PRKG2: variants seen among roughly 807,000 people sequenced by gnomAD.
PRKG2 encodes protein kinase cGMP-dependent 2.
Under a neutral mutation model 97.2 loss-of-function variants are expected in PRKG2, and 33 were observed. The ratio of observed to expected loss-of-function variants is 0.34; its 90% confidence interval spans 0.26 to 0.45. The LOEUF (loss-of-function observed/expected upper bound fraction) is 0.45, where lower values mean the gene tolerates loss of function less well. Ranked by LOEUF, PRKG2 falls within the 20% of genes least tolerant of loss-of-function variation. PRKG2 has a pLI of 1.00. For missense variants in PRKG2, 638 were observed against 900.0 expected, an observed-to-expected ratio of 0.71 and a Z score of 3.73; for synonymous variants, 330 against 321.8, an observed-to-expected ratio of 1.03 and a Z score of -0.27.
chr4:81,150,321 T>C (rs1017033872), intron 8 of PRKG2, among the ~76,000 whole-genome samples: 1 of 152,202 alleles, frequency 6.6e-6, no homozygotes, highest in Non-Finnish European at 1.5e-5. Context: ...CTTATGTTTC[T>C]TCCATAGTAA....
intron 2 of PRKG2, among the ~76,000 whole-genome samples, chr4:81,201,813 C>T (rs547345075): frequency 5.3e-5 from 8 of 152,264 alleles, no homozygotes; most frequent in African/African-American, 1.9e-4. Flanking sequence ...TTCTTGCTCA[C>T]TGTTAAGTGT....
chr4:81,140,731 A>C, intron 11 of PRKG2, 62 bp from the exon 12 acceptor site: 1 of 1,419,588 alleles, frequency 7.0e-7, no homozygotes, highest in Non-Finnish European at 9.8e-7. Context: ...CACACTAATC[A>C]ATGAGAGTTA....
rs188219032 is a variant in PRKG2, at chr4:81,131,252, C to T, written c.1776+3903G>A. On this transcript the variant is annotated intron_variant, in intron 14 of 18. Coordinates refer to ENST00000264399, the MANE Select transcript of PRKG2 (RefSeq NM_006259.3). ...TGGCTAGGGGAGGGAGTTCCCCAAC[C>T]CCTTGTGGTTCCCAGGTGAGGTGAC... 4.6e-5 allele frequency among the ~76,000 whole-genome samples: 7 copies of T among 150,592 alleles called. 1 individual carries two copies. The highest frequency in any genetic ancestry group is 1.5e-4 in the African/African-American group (6 of 39,964).
rs1256525900 is a variant in PRKG2, at chr4:81,148,940, C to T, written c.1098G>A (p.Arg366=). Residue 366 remains arginine (R), a synonymous_variant, in exon 9 of 19, where the codon AGG becomes AGA. Coordinates refer to ENST00000264399, the MANE Select transcript of PRKG2 (RefSeq NM_006259.3). ...TTTCTTCAGCAATAATGTTAGCTGACCTGACATCATCACTGCAAACAAAAA... is the reference window on the plus strand; with the variant it reads ...TTTCTTCAGCAATAATGTTAGCTGATCTGACATCATCACTGCAAACAAAAA... ...GEKALISDDV[R]SANIIAEEND... The T allele has an allele frequency of 2.5e-6, 4 of 1,613,652 alleles. No individual in the cohort carries two copies. The highest frequency in any genetic ancestry group is 1.3e-5 in the African/African-American group (1 of 74,998).
At chr4:81,139,896 G>A (rs1747102504) in intron 12 of PRKG2, among the ~76,000 whole-genome samples, 1 of 152,050 alleles carries the variant, frequency 6.6e-6, no homozygotes, top group African/African-American at 2.4e-5. Flanking sequence ...CCAGAGTGGG[G>A]CCTCCTCCAC....
intron 17 of PRKG2, among the ~76,000 whole-genome samples, chr4:81,092,972 G>A (rs369734831): frequency 3.6e-4 from 55 of 152,242 alleles, no homozygotes; most frequent in African/African-American, 1.2e-3. Context: ...AAGACTGGTC[G>A]TTTATAGCAT....
intron 17 of PRKG2, among the ~76,000 whole-genome samples, chr4:81,098,188 A>C (rs1363758412): frequency 1.3e-5 from 2 of 152,162 alleles, no homozygotes; most frequent in Admixed American, 1.3e-4. Context: ...CTAGCCTCCC[A>C]GTCTACATCT....
intron 2 of PRKG2, chr4:81,193,426 AC>A (rs1256352012): frequency 6.6e-6 from 1 of 152,170 alleles, no homozygotes; most frequent in African/African-American, 2.4e-5. Flanking sequence ...AAATTAGTTA[AC>A]AAAATAAAGC....
At chr4:81,157,600 T>A (rs1423659667) in intron 6 of PRKG2, among the ~76,000 whole-genome samples, 1 of 152,188 alleles carries the variant, frequency 6.6e-6, no homozygotes, top group Admixed American at 6.5e-5. Context: ...ATCATCCTGA[T>A]ACCAAAGCCG....
chr4:81,153,799 GCTCC>G (rs1748667268), intron 6 of PRKG2, 78 bp from the exon 7 acceptor site: 1 of 1,007,054 alleles, frequency 9.9e-7, no homozygotes, highest in African/African-American at 1.6e-5. Context: ...CCAGTATACA[GCTCC>G]CAGCGTGAGC....
intron 9 of PRKG2, among the ~76,000 whole-genome samples, chr4:81,145,354 A>T (rs113104538): frequency 1.1e-4 from 17 of 152,278 alleles, no homozygotes; most frequent in African/African-American, 3.8e-4. Context: ...GATTCTTTTA[A>T]CTTTGCTTAA....
At chr4:81,174,390 T>C (rs1465155433) in intron 3 of PRKG2, among the ~76,000 whole-genome samples, 2 of 152,026 alleles carry the variant, frequency 1.3e-5, no homozygotes, top group African/African-American at 4.8e-5. Context: ...CATGGTATTG[T>C]GATTAGAAGT....
rs564836724 is a variant in PRKG2 at position 81,088,793 on chromosome 4, G to T, written c.*915C>A. On this transcript the variant is annotated 3_prime_UTR_variant, in exon 19 of 19. Transcript: ENST00000264399. ...TGGTTTATTAATAGCAACTATCACAGAATTTTTCAAAATACCTCAGATTTT... is the reference window on the plus strand; with the variant it reads ...TGGTTTATTAATAGCAACTATCACATAATTTTTCAAAATACCTCAGATTTT... 1 of 152,236 alleles carries T rather than the reference G, an allele frequency of 6.6e-6. No homozygotes were observed. Among genetic ancestry groups the T allele is most frequent in the South Asian group, 2.1e-4 (1 of 4,820 alleles). The allele number at this position is 152,236 out of a possible 1,614,324, so 9.4% of individuals were successfully genotyped here.
At chr4:81,095,669 T>C (rs888766425) in intron 17 of PRKG2, among the ~76,000 whole-genome samples, 1 of 152,224 alleles carries the variant, frequency 6.6e-6, no homozygotes, top group Non-Finnish European at 1.5e-5. Flanking sequence ...AGCGCCAGCA[T>C]GCAGTGGTGT....
At chr4:81,174,648 A>T in intron 3 of PRKG2, 145 bp downstream of exon 3, 1 of 744,494 alleles carries the variant, frequency 1.3e-6, no homozygotes, top group Non-Finnish European at 2.2e-6. Flanking sequence ...CATCATGATT[A>T]GATCAACAAT....
At chr4:81,188,968 A>G (rs1487075585) in intron 2 of PRKG2, among the ~76,000 whole-genome samples, 1 of 91,744 alleles carries the variant, frequency 1.1e-5, no homozygotes, top group Non-Finnish European at 1.8e-5. Flanking sequence ...GCACATGTAT[A>G]CATATGTAAC....
chr4:81,206,060 G>A (rs1753629500), intron 1 of PRKG2, among the ~76,000 whole-genome samples: 1 of 152,086 alleles, frequency 6.6e-6, no homozygotes, highest in African/African-American at 2.4e-5. Context: ...TAGGTATTCA[G>A]GTTTACTGAG....
chr4:81,123,507 C>T (rs1308658488), intron 14 of PRKG2, among the ~76,000 whole-genome samples: 2 of 152,178 alleles, frequency 1.3e-5, no homozygotes, highest in South Asian at 2.1e-4. Context: ...CAGGTTCACG[C>T]CATTCTCCTG....
intron 2 of PRKG2, among the ~76,000 whole-genome samples, chr4:81,203,763 C>T (rs1043949230): frequency 5.5e-4 from 84 of 152,190 alleles, no homozygotes; most frequent in African/African-American, 1.8e-3. Flanking sequence ...AATGCAGAGG[C>T]AAGTATTTAT....
Sources: allele counts gnomAD v4.1 joint callset (sites outside exome capture counted in the v4.1 genomes callset), GRCh38; gene constraint gnomAD v4.1.1; transcripts MANE v1.5; gene names NCBI Gene and HGNC (gene_info 2026-07-23, HGNC 2026-07-21).